The following ROBO2 variants were observed in gnomAD, a reference collection of about 807,000 sequenced individuals.
The protein encoded by ROBO2 is roundabout guidance receptor 2.
A neutral mutation model predicts 160.8 loss-of-function variants in ROBO2; 53 were observed. The ratio of observed to expected loss-of-function variants is 0.33; its 90% CI spans 0.26 to 0.41. The LOEUF is 0.41. ROBO2 is among the 10% of genes least tolerant of loss of function. ROBO2 has a pLI of 1.00. For synonymous variants in ROBO2, 664 were observed against 611.7 expected (o/e 1.09, Z -1.26); for missense variants, 1,577 against 1,722.4 (o/e 0.92, Z 1.49).
chr3:77,387,018 GA>G (rs1182643429), intron 2 of ROBO2, among the ~76,000 whole-genome samples: 2 of 152,016 alleles, frequency 1.3e-5, no homozygotes, highest in East Asian at 3.9e-4. Context: ...CTCTTGTCTT[GA>G]TGAAAGCCTT....
intron 2 of ROBO2, among the ~76,000 whole-genome samples, chr3:76,442,548 T>C (rs2076975386): frequency 6.6e-6 from 1 of 152,188 alleles, no homozygotes. Flanking sequence ...GTGGTTCCCC[T>C]TTATTCACGG....
At chr3:76,667,716 A>AAACG (rs2092107361) in intron 2 of ROBO2, among the ~76,000 whole-genome samples, 1 of 81,574 alleles carries the variant, frequency 1.2e-5, no homozygotes, top group South Asian at 4.9e-4. Flanking sequence ...TTTTTGGCTC[A>AAACG]TAAGTGCTCT....
At chr3:76,689,682 A>T (rs948516682) in intron 2 of ROBO2, among the ~76,000 whole-genome samples, 1 of 152,172 alleles carries the variant, frequency 6.6e-6, no homozygotes, top group Non-Finnish European at 1.5e-5. Flanking sequence ...GAAGAAGAGC[A>T]TGGGAGAGAT....
At chr3:76,799,674 G>A (rs554987949) in intron 2 of ROBO2, among the ~76,000 whole-genome samples, 1 of 152,088 alleles carries the variant, frequency 6.6e-6, no homozygotes, top group East Asian at 1.9e-4. Context: ...AGAAATAAAA[G>A]ATCTCTACAA....
intron 2 of ROBO2, among the ~76,000 whole-genome samples, chr3:76,066,838 G>T (rs1576713158): frequency 6.6e-6 from 1 of 152,002 alleles, no homozygotes; most frequent in South Asian, 2.1e-4. Context: ...AATATTAAAA[G>T]ATAATTAAAC....
At chr3:76,860,717 A>C (rs1366122839) in intron 2 of ROBO2, among the ~76,000 whole-genome samples, 3 of 152,062 alleles carry the variant, frequency 2.0e-5, no homozygotes, top group African/African-American at 7.2e-5. Flanking sequence ...CCATCTACTG[A>C]CCTCTTTACT....
At chr3:77,509,864 T>C (rs1027172111) in intron 5 of ROBO2, among the ~76,000 whole-genome samples, 4 of 152,108 alleles carry the variant, frequency 2.6e-5, no homozygotes, top group African/African-American at 9.7e-5. Context: ...GACAGGGTCA[T>C]GCTTTTATGG....
chr3:76,554,725 G>T (rs747206461), intron 2 of ROBO2, among the ~76,000 whole-genome samples: 3 of 152,074 alleles, frequency 2.0e-5, no homozygotes, highest in Admixed American at 6.6e-5. Flanking sequence ...GAGGCTTTCA[G>T]TATTTAATTG....
chr3:76,953,280 T>G (rs1220552253), intron 2 of ROBO2, among the ~76,000 whole-genome samples: 9 of 152,186 alleles, frequency 5.9e-5, no homozygotes, highest in South Asian at 2.1e-4. Flanking sequence ...ATATGGTACT[T>G]GAAATTAAGA....
At chr3:77,089,703 A>T (rs1045316805) in intron 1 of ROBO2, among the ~76,000 whole-genome samples, 1 of 152,184 alleles carries the variant, frequency 6.6e-6, no homozygotes, top group Non-Finnish European at 1.5e-5. Flanking sequence ...TTTCAAATGG[A>T]TAAAATGGAC....
At chr3:77,624,046 GC>G (rs1482003184) in intron 23 of ROBO2, among the ~76,000 whole-genome samples, 1 of 152,078 alleles carries the variant, frequency 6.6e-6, no homozygotes, top group Non-Finnish European at 1.5e-5. Context: ...TCCAAATGAA[GC>G]TTTTATTGCT....
chr3:77,631,442 G>A (rs1205974805), intron 23 of ROBO2: 1 of 152,058 alleles, frequency 6.6e-6, no homozygotes, highest in African/African-American at 2.4e-5. Flanking sequence ...GGTTTATTTA[G>A]AAATCTTAAA....
intron 2 of ROBO2, among the ~76,000 whole-genome samples, chr3:77,020,414 C>A (rs1239572454): frequency 1.3e-5 from 2 of 152,024 alleles, no homozygotes; most frequent in East Asian, 1.9e-4. Flanking sequence ...TGTTAGAAAA[C>A]CTTAAAAATG....
intron 2 of ROBO2, among the ~76,000 whole-genome samples, chr3:76,394,445 C>T (rs192304371): frequency 0.018 from 2,739 of 152,156 alleles, 70 homozygotes; most frequent in African/African-American, 0.062. Context: ...TGTTGAATAT[C>T]GGCCCCCACT....
At chr3:77,396,589 T>C (rs182659544) in intron 2 of ROBO2, among the ~76,000 whole-genome samples, 2 of 152,274 alleles carry the variant, frequency 1.3e-5, no homozygotes, top group African/African-American at 4.8e-5. Context: ...TGTTGGTATC[T>C]ATTAAGTTTT....
chr3:76,535,668 T>A (rs772234407), intron 2 of ROBO2, among the ~76,000 whole-genome samples: 1 of 151,810 alleles, frequency 6.6e-6, no homozygotes, highest in Non-Finnish European at 1.5e-5. Flanking sequence ...AAAGAGTGTA[T>A]AAAAGAATGT....
chr3:77,458,739 T>A (rs2081950048), intron 2 of ROBO2, among the ~76,000 whole-genome samples: 1 of 152,164 alleles, frequency 6.6e-6, no homozygotes, highest in Non-Finnish European at 1.5e-5. Context: ...CATGGCATAA[T>A]AACTGATTAT....
chr3:77,098,679 C>G (rs1578952056), intron 2 of ROBO2, among the ~76,000 whole-genome samples: 1 of 151,748 alleles, frequency 6.6e-6, no homozygotes, highest in East Asian at 2.0e-4. Context: ...AACCCCGTCT[C>G]TACAAAAAAT....
intron 1 of ROBO2, among the ~76,000 whole-genome samples, chr3:77,055,747 C>A (rs1057367828): frequency 5.3e-5 from 8 of 151,920 alleles, no homozygotes; most frequent in Admixed American, 4.6e-4. Flanking sequence ...TTTATTACAC[C>A]CATTCCTGAT....
Sources: gnomAD v4.1 joint callset for allele counts (sites outside exome capture counted in the v4.1 genomes callset) on GRCh38, gnomAD v4.1.1 for gene constraint, MANE v1.5 for transcripts, NCBI Gene and HGNC (gene_info 2026-07-23, HGNC 2026-07-21) for gene names.